The following AP5B1 variants were observed in gnomAD, a reference collection of about 807,000 sequenced individuals.
The protein encoded by AP5B1 is AP-5 complex subunit beta-1.
Under a neutral mutation model 5.7 loss-of-function variants are expected in AP5B1, and 3 were observed. That is an observed-to-expected ratio of 0.53 (90% CI 0.24 to 1.36). The LOEUF (loss-of-function observed/expected upper bound fraction) is 1.36. Among genes scored for constraint, AP5B1 ranks in the 40% most tolerant of loss-of-function variants. The probability of loss-of-function intolerance (pLI) is 0.17; values close to 1 mark genes in which losing one functional copy is unlikely to be tolerated. For synonymous variants in AP5B1, 696 were observed against 555.5 expected (o/e 1.25, Z -3.56); for missense variants, 1,310 against 1,143.2 (o/e 1.15, Z -2.10).
Position 65,779,382 on chromosome 11 carries a change from A to C in AP5B1, c.1111T>G (p.Cys371Gly). 6.3e-7 allele frequency: 1 copy of C among 1,599,950 alleles called. No homozygotes were observed. The highest frequency in any genetic ancestry group is 8.5e-7 in the Non-Finnish European group (1 of 1,172,190). Reference protein sequence around the residue: ...PPPTHLFYLHCVLSFPENWPL... With the variant: ...PPPTHLFYLHGVLSFPENWPL... ...CAGTTCTCAGGGAAGCTCAGGACGC[A>C]GTGAAGGTAAAAGAGATGGGTGGGC... is the stretch of plus-strand genomic sequence containing the variant. Residue 371 changes from cysteine (C) to glycine (G), a missense_variant, in exon 2 of 2, where the codon TGC becomes GGC. Coordinates refer to ENST00000532090, the MANE Select transcript of AP5B1 (RefSeq NM_138368.5).
chr11:65,778,660 G>A lies in AP5B1; in HGVS notation c.1833C>T (p.His611=), dbSNP rs113072583. 138 of 1,565,514 alleles carry A rather than the reference G, an allele frequency of 8.8e-5. 4 individuals carry two copies. The highest frequency in any genetic ancestry group is 6.9e-4 in the African/African-American group (51 of 73,994). The change falls in exon 2 of 2, where the codon CAC becomes CAT. Residue 611 remains histidine, a synonymous_variant. Transcript: ENST00000532090. ...CCAGCAGGATGTAGTAGAGGCGGGCGTGGTCACGCCCATCAGGGTCCTCCA... is the reference window on the plus strand; with the variant it reads ...CCAGCAGGATGTAGTAGAGGCGGGCATGGTCACGCCCATCAGGGTCCTCCA... The part of the protein sequence containing the change: ...RQLEDPDGRD[H]ARLYYILLAH...
Position 65,779,122 on chromosome 11 carries a change from G to A in AP5B1, c.1371C>T (p.Gly457=), listed in dbSNP as rs752736147. Residue 457 remains glycine (G), a synonymous_variant, in exon 2 of 2, where the codon GGC becomes GGT. Transcript: ENST00000532090. ...AGCAGAGAGTGGCCAAGGCCCGGGGGCCCCCATCCAGGGCTGCCCGCTGCC... is the reference window on the plus strand; with the variant it reads ...AGCAGAGAGTGGCCAAGGCCCGGGGACCCCCATCCAGGGCTGCCCGCTGCC... ...GLRQRAALDG[G]PRALATLCFQ... 4.4e-6 allele frequency: 7 copies of A among 1,608,442 alleles called. No individual in the cohort carries two copies. The highest frequency in any genetic ancestry group is 3.3e-4 in the Middle Eastern group (2 of 6,046).
chr11:65,777,923 C>T lies in AP5B1; in HGVS notation c.2570G>A (p.Arg857Gln), dbSNP rs529070394. 16 of 1,561,476 alleles carry T rather than the reference C, an allele frequency of 1.0e-5. No individual in the cohort carries two copies. Among genetic ancestry groups the T allele is most frequent in the Admixed American group, 9.7e-5 (5 of 51,696 alleles). ...GGGCAGCACGGCCCAGTCATCGGTC[C>T]GCAGGGCCACAGGCACTCCATCTGC... is the stretch of plus-strand genomic sequence containing the variant. ...ALADGVPVAL[R>Q]TDDWAVLPLA... The change falls in exon 2 of 2, where the codon CGG becomes CAG. Residue 857 changes from arginine (R) to glutamine (Q), a missense_variant. Physicochemically the swap from Arg to Gln is conservative, Grantham distance 43. Coordinates refer to ENST00000532090, the MANE Select transcript of AP5B1 (RefSeq NM_138368.5).
At position 65,778,001 on chromosome 11, in the gene AP5B1, G is replaced by T. The variant is rs752613571; in HGVS notation, c.2492C>A (p.Ala831Glu). The change falls in exon 2 of 2, where the codon GCA becomes GAA. Residue 831 changes from alanine (A) to glutamate (E), a missense_variant. Coordinates refer to ENST00000532090, the MANE Select transcript of AP5B1 (RefSeq NM_138368.5). The part of the protein sequence containing the change: ...VAQPPTSYCV[A>E]IHLPPDSKLL... ...CTTTGAGTCCGGGGGCAGGTGGATT[G>T]CTACACAGTAGCTGGTAGGAGGCTG... is the stretch of plus-strand genomic sequence containing the variant. The T allele has an allele frequency of 4.3e-6, 7 of 1,612,048 alleles. No individual in the cohort carries two copies. The highest frequency in any genetic ancestry group is 5.9e-6 in the Non-Finnish European group (7 of 1,179,572).
At position 65,778,911 on chromosome 11, in the gene AP5B1, C is replaced by G; in HGVS notation, c.1582G>C (p.Val528Leu). 6.2e-7 allele frequency: 1 copy of G among 1,612,298 alleles called. No individual in the cohort carries two copies. The highest frequency in any genetic ancestry group is 8.5e-7 in the Non-Finnish European group (1 of 1,179,536). ...GCTTCATCCCTGCCCGGCCTGGACA[C>G]CACCACCTGCCGCAACACCACCTTC... ...PLKVVLRQVVVSRPGRDEALC... is the reference protein window; with the variant it reads ...PLKVVLRQVVLSRPGRDEALC... Residue 528 changes from valine (V) to leucine (L), a missense_variant, in exon 2 of 2, where the codon GTG becomes CTG. Val to Leu is a conservative substitution (Grantham distance 32). Transcript: ENST00000532090.
In AP5B1 at chr11:65,779,783, G is replaced by C. The variant is rs545519145; in HGVS notation, c.710C>G (p.Pro237Arg). Residue 237 changes from proline to arginine, a missense_variant, in exon 2 of 2, where the codon CCC (proline) becomes CGC (arginine). Transcript: ENST00000532090. Reference sequence around the variant, plus strand: ...AGCTGCCGGCCAGCTGGGTGCCTGGGGCTGAAGGCGTCCATCGCCCTCCTC... The same window carrying C: ...AGCTGCCGGCCAGCTGGGTGCCTGGCGCTGAAGGCGTCCATCGCCCTCCTC... ...LVEEGDGRLQ[P>R]QAPSWPAAEE... 2.8e-5 allele frequency: 45 copies of C among 1,584,620 alleles called. No individual in the cohort carries two copies. The East Asian group carries it at 9.0e-4, about 32-fold the overall frequency.
rs1428086014 is a variant in AP5B1, at chr11:65,778,876, C to T, written c.1617G>A (p.Trp539Ter). Residue 539 changes from tryptophan to a stop codon, truncating the protein, a stop_gained, in exon 2 of 2, where the codon TGG (tryptophan) becomes TGA (stop). Transcript: ENST00000532090. LOFTEE classifies it low-confidence loss of function (END_TRUNC). ...CCACCTTTGCCAGCATTTGCAGGTG[C>T]CAGCAAAGAGCTTCATCCCTGCCCG... ...SRPGRDEALC[W>*]HLQMLAKVAD... 3 of 1,609,556 alleles carry T rather than the reference C, an allele frequency of 1.9e-6. No individual in the cohort carries two copies. Among genetic ancestry groups the T allele is most frequent in the Middle Eastern group, 1.7e-4 (1 of 6,036 alleles).
Position 65,778,313 on chromosome 11 carries a change from G to A in AP5B1, c.2180C>T (p.Pro727Leu), listed in dbSNP as rs1215245338. ...GGGGGCCGGGCATCGGGGCTGCAGA[G>A]GCAGGAGCAGAGGGCGGGCAGGGCG... Reference protein sequence around the residue: ...PGRPARPLLLPLQPRCPAPAR... With the variant: ...PGRPARPLLLLLQPRCPAPAR... Residue 727 changes from proline (P) to leucine (L), a missense_variant, in exon 2 of 2, where the codon CCT becomes CTT. By Grantham distance (98) the Pro-to-Leu change is moderately conservative. Coordinates refer to ENST00000532090, the MANE Select transcript of AP5B1 (RefSeq NM_138368.5). The A allele has an allele frequency of 9.3e-6, 15 of 1,612,674 alleles. No homozygotes were observed. The highest frequency in any genetic ancestry group is 1.3e-5 in the Non-Finnish European group (15 of 1,179,842).
chr11:65,778,466 G>A lies in AP5B1; in HGVS notation c.2027C>T (p.Pro676Leu), dbSNP rs1227753884. 2 of 1,572,750 alleles carry A rather than the reference G, an allele frequency of 1.3e-6. No homozygotes were observed. The highest frequency in any genetic ancestry group is 1.7e-6 in the Non-Finnish European group (2 of 1,164,598). ...CGGCTGGAGCTTCAACACTGGGAGTGGGCCCTTGACCCGATGGGACCCCAG... is the reference window on the plus strand; with the variant it reads ...CGGCTGGAGCTTCAACACTGGGAGTAGGCCCTTGACCCGATGGGACCCCAG... ...LSLGSHRVKGPLPVLKLQPEA... is the reference protein window; with the variant it reads ...LSLGSHRVKGLLPVLKLQPEA... The change falls in exon 2 of 2, where the codon CCA (proline) becomes CTA (leucine). Residue 676 changes from proline to leucine, a missense_variant. Coordinates refer to ENST00000532090, the MANE Select transcript of AP5B1 (RefSeq NM_138368.5).
In AP5B1 at chr11:65,777,844, G is replaced by T; in HGVS notation, c.*12C>A. The T allele has an allele frequency of 6.6e-7, 1 of 1,506,550 alleles. No homozygotes were observed. The highest frequency in any genetic ancestry group is 8.9e-7 in the Non-Finnish European group (1 of 1,124,722). 93.3% of individuals were successfully genotyped at this position (1,506,550 alleles called of 1,614,324 possible). ...AGGGCCACAGTCCTGCCCCCACCTG[G>T]TCTCCCGGGGCTCAGACAGCAGCCG... On this transcript the variant is annotated 3_prime_UTR_variant, in exon 2 of 2. Coordinates refer to ENST00000532090, the MANE Select transcript of AP5B1 (RefSeq NM_138368.5).
At chr11:65,780,378 G>T in intron 1 of AP5B1, 36 bp from the exon 2 acceptor site, 1 of 1,462,366 alleles carries the variant, frequency 6.8e-7, no homozygotes, top group Non-Finnish European at 9.0e-7. Context: ...ACGAAGATGA[G>T]GTTCATGACG....
chr11:65,779,099 CAGAG>C lies in AP5B1; in HGVS notation c.1390_1393del (p.Leu464AlafsTer19). 6.2e-7 allele frequency: 1 copy of C among 1,609,004 alleles called. No homozygotes were observed. The highest frequency in any genetic ancestry group is 8.5e-7 in the Non-Finnish European group (1 of 1,178,332). ...GGCCACCAGATACGAGGCCTGGAAG[CAGAG>C]AGTGGCCAAGGCCCGGGGGCCCCCA... is the stretch of plus-strand genomic sequence containing the variant. On this transcript the variant is annotated frameshift_variant, in exon 2 of 2. Transcript: ENST00000532090. LOFTEE classifies it low-confidence loss of function (END_TRUNC).
rs763832757 is a variant in AP5B1 at position 65,778,761 on chromosome 11, G to A, written c.1732C>T (p.Arg578Trp). ...TNWDLQQGLL[R>W]VCRALLRAGV... ...GCCCGCAGCAGCGCCCGGCAGACCCGCAGCAGGCCCTGCTGTAGGTCCCAG... is the reference window on the plus strand; with the variant it reads ...GCCCGCAGCAGCGCCCGGCAGACCCACAGCAGGCCCTGCTGTAGGTCCCAG... Residue 578 changes from arginine (R) to tryptophan (W), a missense_variant, in exon 2 of 2, where the codon CGG becomes TGG. By Grantham distance (101) the Arg-to-Trp change is moderately radical. Coordinates refer to ENST00000532090, the MANE Select transcript of AP5B1 (RefSeq NM_138368.5). 49 of 1,608,670 alleles carry A rather than the reference G, an allele frequency of 3.0e-5. No homozygotes were observed. The highest frequency in any genetic ancestry group is 1.8e-4 in the South Asian group (16 of 90,656).
chr11:65,778,079 T>C lies in AP5B1; in HGVS notation c.2414A>G (p.Gln805Arg), dbSNP rs376084912. 1.9e-6 allele frequency: 3 copies of C among 1,612,678 alleles called. No homozygotes were observed. In the African/African-American group the frequency reaches 4.0e-5, roughly 22 times the overall value. The change falls in exon 2 of 2, where the codon CAG becomes CGG. Residue 805 changes from glutamine (Q) to arginine (R), a missense_variant. Physicochemically the swap from Gln to Arg is conservative, Grantham distance 43. Transcript: ENST00000532090. ...ESRVWCPLGP[Q>R]GLEGLVSRHL... ...GCGGGACACCAAGCCCTCCAGGCCC[T>C]GTGGCCCAAGTGGACACCACACACG...
Position 65,780,029 on chromosome 11 carries a change from C to T in AP5B1, c.464G>A (p.Arg155Gln). Residue 155 changes from arginine to glutamine, a missense_variant, in exon 2 of 2, where the codon CGA (arginine) becomes CAA (glutamine). Arg to Gln is a conservative substitution (Grantham distance 43). Coordinates refer to ENST00000532090, the MANE Select transcript of AP5B1 (RefSeq NM_138368.5). Reference protein sequence around the residue: ...PLQATACECLRELESCKPGLL... With the variant: ...PLQATACECLQELESCKPGLL... ...CCCGGGCTTGCAGCTCTCTAGCTCT[C>T]GCAGGCACTCGCAGGCCGTGGCCTG... The T allele has an allele frequency of 6.4e-7, 1 of 1,554,724 alleles. No homozygotes were observed. Among genetic ancestry groups the T allele is most frequent in the South Asian group, 1.2e-5 (1 of 84,990 alleles).
Position 65,779,282 on chromosome 11 carries a change from C to G in AP5B1, c.1211G>C (p.Ser404Thr). ...GAGGGCCATTGGGTCATGCAGGAGA[C>G]TGGGCAGGAGACCACGGCATAGCTG... ...GPQLCRGLLP[S>T]LLHDPMALLA... The change falls in exon 2 of 2, where the codon AGT becomes ACT. Residue 404 changes from serine to threonine, a missense_variant. By Grantham distance (58) the Ser-to-Thr change is moderately conservative. Transcript: ENST00000532090. The G allele has an allele frequency of 6.3e-7, 1 of 1,598,750 alleles. No individual in the cohort carries two copies. Among genetic ancestry groups the G allele is most frequent in the Non-Finnish European group, 8.5e-7 (1 of 1,171,862 alleles).
Position 65,780,295 on chromosome 11 carries a change from G to C in AP5B1, c.198C>G (p.Pro66=). The change falls in exon 2 of 2, where the codon CCC becomes CCG. Residue 66 remains proline (P), a synonymous_variant. Coordinates refer to ENST00000532090, the MANE Select transcript of AP5B1 (RefSeq NM_138368.5). Reference sequence around the variant, plus strand: ...CGGCCACTTCGGCCGCAGAGGCGTCGGGCCACAGCTGCGCAGGGTACTCCA... The same window carrying C: ...CGGCCACTTCGGCCGCAGAGGCGTCCGGCCACAGCTGCGCAGGGTACTCCA... ...LSMEYPAQLW[P]DASAAEVAAT... is the part of the protein sequence containing the mutation. The C allele has an allele frequency of 6.7e-7, 1 of 1,497,876 alleles. No homozygotes were observed. The highest frequency in any genetic ancestry group is 8.9e-7 in the Non-Finnish European group (1 of 1,129,636). 92.8% of individuals were successfully genotyped at this position (1,497,876 alleles called of 1,614,324 possible).
rs1240651996 is a variant in AP5B1, at chr11:65,775,092, T to C, written c.*2764A>G. 6.6e-6 allele frequency among the ~76,000 whole-genome samples: 1 copy of C among 152,172 alleles called. No homozygotes were observed. Among genetic ancestry groups the C allele is most frequent in the Non-Finnish European group, 1.5e-5 (1 of 68,022 alleles). On this transcript the variant is annotated 3_prime_UTR_variant, in exon 2 of 2. Coordinates refer to ENST00000532090, the MANE Select transcript of AP5B1 (RefSeq NM_138368.5). ...ACATTGCTTAGCCAAGCTAAGCACA[T>C]GCATTCCCTATGATTCAGCAATTCT...
rs1252466964 is a variant in AP5B1, at chr11:65,779,803, C to T, written c.690G>A (p.Glu230=). The change falls in exon 2 of 2, where the codon GAG becomes GAA. Residue 230 remains glutamate, a synonymous_variant. Transcript: ENST00000532090. ...CCTGGGGCTGAAGGCGTCCATCGCC[C>T]TCCTCCACTAGTGTCCAATCCCAGG... is the stretch of plus-strand genomic sequence containing the variant. ...GGPWDWTLVE[E]GDGRLQPQAP... is the part of the protein sequence containing the mutation. The T allele has an allele frequency of 1.3e-6, 2 of 1,585,962 alleles. No homozygotes were observed. Among genetic ancestry groups the T allele is most frequent in the South Asian group, 1.1e-5 (1 of 87,092 alleles).
Sources: gnomAD v4.1 joint callset for allele counts (sites outside exome capture counted in the v4.1 genomes callset) on GRCh38, gnomAD v4.1.1 for gene constraint, MANE v1.5 for transcripts, NCBI Gene and HGNC (gene_info 2026-07-23, HGNC 2026-07-21) for gene names.